Variants in FRK observed in about 807,000 individuals in gnomAD.
FRK encodes the protein fyn related Src family tyrosine kinase, also known as tyrosine-protein kinase FRK.
In FRK, 51 loss-of-function variants were observed where a neutral mutation model predicts 56.4. The ratio of observed to expected loss-of-function variants is 0.90; its 90% CI spans 0.72 to 1.14. The LOEUF (loss-of-function observed/expected upper bound fraction) is 1.14, where lower values mean the gene tolerates loss of function less well. Ranked by LOEUF, FRK falls within the 50% of genes most tolerant of loss-of-function variation. The pLI is 0.00. For missense variants in FRK, 570 were observed against 601.4 expected, an observed-to-expected ratio of 0.95 and a Z score of 0.55; for synonymous variants, 245 against 217.9, an observed-to-expected ratio of 1.12 and a Z score of -1.10.
the FRK span, among the ~76,000 whole-genome samples, chr6:116,082,864 T>G: frequency 6.6e-6 from 1 of 152,108 alleles, no homozygotes; most frequent in South Asian, 2.1e-4. Flanking sequence ...TAGATATATC[T>G]TTTAAGTCAT....
chr6:116,079,011 C>T, the FRK span, among the ~76,000 whole-genome samples: 4 of 152,126 alleles, frequency 2.6e-5, no homozygotes, highest in Admixed American at 6.5e-5. Flanking sequence ...TATTCTATAA[C>T]TGTGTATTCT....
At chr6:116,003,190 C>T (rs889710794) in intron 2 of FRK, among the ~76,000 whole-genome samples, 2 of 152,084 alleles carry the variant, frequency 1.3e-5, no homozygotes, top group South Asian at 2.1e-4. Flanking sequence ...GAGAACAGAA[C>T]GGGACAAGAA....
intron 5 of FRK, among the ~76,000 whole-genome samples, chr6:115,948,739 T>C (rs1393340286): frequency 6.6e-6 from 1 of 152,232 alleles, no homozygotes; most frequent in African/African-American, 2.4e-5. Flanking sequence ...CATATGTATC[T>C]CTAGCTTAGC....
At position 115,937,578 on chromosome 6, in the gene FRK, CA is replaced by C. The variant is rs1295316591; in HGVS notation, c.*4835del. ...ATCAGTGTGCTGTATTCAGGAGACC[CA>C]TCTCACATGCAAAGAGACACACAGG... On this transcript the variant is annotated 3_prime_UTR_variant, in exon 8 of 8. Transcript: ENST00000606080. 6.6e-6 allele frequency: 1 copy of C among 152,010 alleles called. No homozygotes were observed. The highest frequency in any genetic ancestry group is 1.5e-5 in the Non-Finnish European group (1 of 68,008). 9.4% of individuals were successfully genotyped at this position (152,010 alleles called of 1,614,324 possible).
chr6:116,015,967 A>G (rs1775632286), intron 1 of FRK, among the ~76,000 whole-genome samples: 1 of 152,194 alleles, frequency 6.6e-6, no homozygotes, highest in Non-Finnish European at 1.5e-5. Context: ...AGTTTGGAAA[A>G]TTTGCAGCCT....
intron 1 of FRK, among the ~76,000 whole-genome samples, chr6:116,046,611 T>C (rs1278575263): frequency 6.6e-6 from 1 of 151,712 alleles, no homozygotes; most frequent in Non-Finnish European, 1.5e-5. Flanking sequence ...GAGGGGAACA[T>C]CACACACCAG....
At chr6:115,973,075 C>T (rs1051540597) in intron 2 of FRK, among the ~76,000 whole-genome samples, 1 of 152,062 alleles carries the variant, frequency 6.6e-6, no homozygotes, top group Admixed American at 6.6e-5. Flanking sequence ...GGCAAGAGTC[C>T]ATTTAGTTCC....
chr6:116,059,587 T>A (rs1777540083), intron 1 of FRK, among the ~76,000 whole-genome samples: 2 of 152,338 alleles, frequency 1.3e-5, no homozygotes, highest in South Asian at 2.1e-4. Context: ...ATCTGAAGTT[T>A]AGATTTGAGA....
At position 116,060,337 on chromosome 6, in the gene FRK, C is replaced by A. The variant is rs1448827314; in HGVS notation, c.-26G>T. 1.3e-6 allele frequency: 2 copies of A among 1,569,994 alleles called. No homozygotes were observed. The highest frequency in any genetic ancestry group is 1.7e-6 in the Non-Finnish European group (2 of 1,147,228). ...TGTGCCTTGGTGGGGAGAAGAGGAG[C>A]AGGGCTTCTCCCTCTCCCCTTAGTC... On this transcript the variant is annotated 5_prime_UTR_variant, in exon 1 of 8. Coordinates refer to ENST00000606080, the MANE Select transcript of FRK (RefSeq NM_002031.3).
intron 4 of FRK, among the ~76,000 whole-genome samples, chr6:115,959,149 A>C (rs1217979386): frequency 6.6e-6 from 1 of 152,230 alleles, no homozygotes. Flanking sequence ...AGTTCATTTC[A>C]GGCTCATCTT....
intron 4 of FRK, among the ~76,000 whole-genome samples, chr6:115,961,320 T>G (rs1773352010): frequency 9.0e-6 from 1 of 111,334 alleles, no homozygotes; most frequent in African/African-American, 3.5e-5. Flanking sequence ...ATGAATGAAA[T>G]GAAGCAAGAA....
At chr6:116,008,482 G>A (rs1390560839) in intron 1 of FRK, among the ~76,000 whole-genome samples, 2 of 152,214 alleles carry the variant, frequency 1.3e-5, no homozygotes, top group Non-Finnish European at 2.9e-5. Context: ...TTTTCTGCAT[G>A]TAGTGGCATT....
chr6:115,943,199 A>G lies in FRK; in HGVS notation c.1141-14T>C. 1 of 1,574,780 alleles carries G rather than the reference A, an allele frequency of 6.4e-7. No individual in the cohort carries two copies. Among genetic ancestry groups the G allele is most frequent in the Non-Finnish European group, 8.6e-7 (1 of 1,164,184 alleles). On this transcript the variant is annotated splice_polypyrimidine_tract_variant and intron_variant, in intron 6 of 7. Coordinates refer to ENST00000606080, the MANE Select transcript of FRK (RefSeq NM_002031.3). ...TTCATTATCTACCTGTTCATGTATT[A>G]AGGAATCAGGCCGAGTTAAAGCAAT...
At chr6:116,008,192 G>A (rs1346716598) in intron 1 of FRK, among the ~76,000 whole-genome samples, 1 of 151,932 alleles carries the variant, frequency 6.6e-6, no homozygotes, top group African/African-American at 2.4e-5. Flanking sequence ...ATATAAGCAG[G>A]CAGTTTTTAT....
intron 2 of FRK, among the ~76,000 whole-genome samples, chr6:115,977,557 T>G (rs1368453896): frequency 6.6e-6 from 1 of 152,138 alleles, no homozygotes; most frequent in East Asian, 1.9e-4. Context: ...TCAAGAAAGC[T>G]TACCAAAAGA....
chr6:116,061,399 A>AACAC (rs3049929), upstream of FRK, among the ~76,000 whole-genome samples: 26,029 of 146,464 alleles, frequency 0.18, 2,430 homozygotes, highest in African/African-American at 0.24. Context: ...CTATTTGGGA[A>AACAC]ACACACACAC....
At chr6:115,996,881 A>C (rs1774860454) in intron 2 of FRK, among the ~76,000 whole-genome samples, 1 of 152,232 alleles carries the variant, frequency 6.6e-6, no homozygotes, top group South Asian at 2.1e-4. Context: ...TGAAGGATAC[A>C]CACAAGGTCA....
At chr6:115,968,858 T>G (rs1773695040) in intron 2 of FRK, 119 bp from the exon 3 acceptor site, 1 of 824,836 alleles carries the variant, frequency 1.2e-6, no homozygotes, top group East Asian at 2.7e-5. Context: ...TATGTGTTTC[T>G]CAACTTTGTC....
At chr6:116,072,564 C>CACACACACAA in the FRK span, among the ~76,000 whole-genome samples, 287 of 149,696 alleles carry the variant, frequency 1.9e-3, 1 homozygote, top group African/African-American at 4.9e-3. Flanking sequence ...CACACACACA[C>CACACACACAA]AAGATACCTT....
Sources: gnomAD v4.1 joint callset for allele counts (sites outside exome capture counted in the v4.1 genomes callset) on GRCh38, gnomAD v4.1.1 for gene constraint, MANE v1.5 for transcripts, NCBI Gene and HGNC (gene_info 2026-07-23, HGNC 2026-07-21) for gene names.